Variants in CEP68 observed in about 807,000 individuals in gnomAD.
CEP68 encodes centrosomal protein of 68 kDa.
A neutral mutation model predicts 55.3 loss-of-function variants in CEP68; 26 were observed. The observed-to-expected ratio is 0.47, with a 90% confidence interval of 0.34 to 0.65. The LOEUF is 0.65. Among genes scored for constraint, CEP68 ranks in the 30% least tolerant of loss-of-function variants. CEP68 has a pLI of 0.01. For synonymous variants in CEP68, 402 were observed against 383.2 expected (o/e 1.05, Z -0.57); for missense variants, 957 against 946.7 (o/e 1.01, Z -0.14).
intron 6 of CEP68, 42 bp downstream of exon 6, chr2:65,082,751 T>G: frequency 6.8e-7 from 1 of 1,479,404 alleles, no homozygotes. Context: ...CCACCAACCC[T>G]GCTGTAACAG....
chr2:65,061,794 C>T (rs576039709), intron 1 of CEP68, among the ~76,000 whole-genome samples: 1 of 152,334 alleles, frequency 6.6e-6, no homozygotes, highest in East Asian at 1.9e-4. Flanking sequence ...TGTGACTGGC[C>T]CCTTTGTTGG....
chr2:65,071,036 C>T (rs1267311123), intron 2 of CEP68: 1 of 186,800 alleles, frequency 5.4e-6, no homozygotes, highest in South Asian at 1.2e-4. Context: ...GGCGTGTGAA[C>T]TGAGCAGGAT....
intron 5 of CEP68, 56 bp from the exon 6 acceptor site, chr2:65,082,480 G>A (rs904362807): frequency 1.4e-6 from 2 of 1,443,554 alleles, no homozygotes; most frequent in Non-Finnish European, 1.8e-6. Flanking sequence ...ATGCTTACTG[G>A]ACAACACTTG....
Position 65,071,725 on chromosome 2 carries a change from A to G in CEP68, c.629A>G (p.His210Arg). The G allele has an allele frequency of 6.2e-7, 1 of 1,614,038 alleles. No homozygotes were observed. The highest frequency in any genetic ancestry group is 8.5e-7 in the Non-Finnish European group (1 of 1,180,024). Residue 210 changes from histidine (H) to arginine (R), a missense_variant, in exon 3 of 7, where the codon CAC becomes CGC. By Grantham distance (29) the His-to-Arg change is conservative. Coordinates refer to ENST00000377990, the MANE Select transcript of CEP68 (RefSeq NM_015147.3). ...TCCACAGGCAGCAGTCTCCAGGGTCACCAGGAGAGGGCGGAGCCTCGTGGT... is the reference window on the plus strand; with the variant it reads ...TCCACAGGCAGCAGTCTCCAGGGTCGCCAGGAGAGGGCGGAGCCTCGTGGT... Reference protein sequence around the residue: ...ASSTGSSLQGHQERAEPRGGS... With the variant: ...ASSTGSSLQGRQERAEPRGGS...
In CEP68 at chr2:65,072,304, C is replaced by A. The variant is rs1486458024; in HGVS notation, c.1208C>A (p.Ala403Asp). The A allele has an allele frequency of 6.2e-7, 1 of 1,614,046 alleles. No homozygotes were observed. Among genetic ancestry groups the A allele is most frequent in the Non-Finnish European group, 8.5e-7 (1 of 1,180,020 alleles). ...SWSQLASTPR[A>D]PGSRDARWER... ...AGCCAACTTGCATCTACCCCCAGAGCCCCAGGCAGTAGGGATGCTCGTTGG... is the reference window on the plus strand; with the variant it reads ...AGCCAACTTGCATCTACCCCCAGAGACCCAGGCAGTAGGGATGCTCGTTGG... Residue 403 changes from alanine to aspartate, a missense_variant, in exon 3 of 7, where the codon GCC (alanine) becomes GAC (aspartate). Transcript: ENST00000377990.
Position 65,072,533 on chromosome 2 carries a change from T to C in CEP68, c.1437T>C (p.Asp479=). The change falls in exon 3 of 7, where the codon GAT becomes GAC. Residue 479 remains aspartate (D), a synonymous_variant. Coordinates refer to ENST00000377990, the MANE Select transcript of CEP68 (RefSeq NM_015147.3). The stretch of plus-strand genomic sequence containing the variant: ...AATCAGAAGAGGAAGTGGAAAGTGA[T>C]GACGAGTATCTTGCCCTCCCCGCTC... ...RWKSEEEVES[D]DEYLALPARL... is the part of the protein sequence containing the mutation. 6.2e-7 allele frequency: 1 copy of C among 1,613,884 alleles called. No homozygotes were observed. The highest frequency in any genetic ancestry group is 8.5e-7 in the Non-Finnish European group (1 of 1,179,986).
intron 2 of CEP68, 87 bp downstream of exon 2, chr2:65,069,888 C>T: frequency 8.5e-7 from 1 of 1,181,422 alleles, no homozygotes; most frequent in Non-Finnish European, 1.2e-6. Flanking sequence ...GCATCCTTTC[C>T]TTGCTACTGT....
intron 5 of CEP68, among the ~76,000 whole-genome samples, chr2:65,079,520 C>T (rs1676912010): frequency 6.6e-6 from 1 of 152,220 alleles, no homozygotes; most frequent in Non-Finnish European, 1.5e-5. Context: ...TCTTTGCAAT[C>T]CCCTGCCCTT....
In CEP68 at chr2:65,078,261, T is replaced by G. The variant is rs189888470; in HGVS notation, c.2104+297T>G. Among the ~76,000 whole-genome samples, 190 of 152,350 alleles carry G rather than the reference T, an allele frequency of 1.2e-3. 1 individual carries two copies. The highest frequency in any genetic ancestry group is 4.2e-3 in the African/African-American group (173 of 41,582). ...CTTTTGTATTTTTCTGGTGGTAGTCTGGGTAGGAATCCTAGTATTAATCCA... is the reference window on the plus strand; with the variant it reads ...CTTTTGTATTTTTCTGGTGGTAGTCGGGGTAGGAATCCTAGTATTAATCCA... On this transcript the variant is annotated intron_variant, in intron 5 of 6. Transcript: ENST00000377990.
chr2:65,082,846 A>G lies in CEP68; in HGVS notation c.*4+137A>G. ...GGAAGAAGACAGCCAATGGTACTAA[A>G]AAAGGAGTTGCTGGTCTTCCTATGA... is the stretch of plus-strand genomic sequence containing the variant. On this transcript the variant is annotated intron_variant, in intron 6 of 6. Transcript: ENST00000377990. The G allele has an allele frequency of 7.1e-6, 5 of 702,000 alleles. No individual in the cohort carries two copies. In the South Asian group the frequency reaches 1.2e-4, roughly 17 times the overall value. The allele number at this position is 702,000 out of a possible 1,614,324, so 43.5% of individuals were successfully genotyped here.
intron 1 of CEP68, among the ~76,000 whole-genome samples, chr2:65,059,412 T>C (rs368187820): frequency 5.4e-4 from 83 of 152,322 alleles, no homozygotes; most frequent in East Asian, 5.2e-3. Context: ...TCCTCACTTG[T>C]AACTGGCACA....
chr2:65,072,942 G>A lies in CEP68; in HGVS notation c.1846G>A (p.Gly616Arg), dbSNP rs779577434. 1 of 1,614,190 alleles carries A rather than the reference G, an allele frequency of 6.2e-7. No homozygotes were observed. Among genetic ancestry groups the A allele is most frequent in the Non-Finnish European group, 8.5e-7 (1 of 1,180,036 alleles). The change falls in exon 3 of 7, where the codon GGA (glycine) becomes AGA (arginine). Residue 616 changes from glycine to arginine, a missense_variant. By Grantham distance (125) the Gly-to-Arg change is moderately radical (BLOSUM62 -2). Coordinates refer to ENST00000377990, the MANE Select transcript of CEP68 (RefSeq NM_015147.3). ...TGAAGGGCAGCTTCCCAGGAAAGGA[G>A]GAGAACAGGGAAAAGAATCACTGGT... is the stretch of plus-strand genomic sequence containing the variant. ...DVEGQLPRKG[G>R]EQGKESLVQC... is the part of the protein sequence containing the mutation.
rs1380305896 is a variant in CEP68, at chr2:65,083,782, C to T, written c.*148C>T. On this transcript the variant is annotated 3_prime_UTR_variant, in exon 7 of 7. Transcript: ENST00000377990. ...ATACTAGCTTTAAAATGCCTTTCTC[C>T]TCCCTGAATGGAGGGCTGAGTTACT... 4 of 152,224 alleles carry T rather than the reference C, an allele frequency of 2.6e-5. No individual in the cohort carries two copies. The highest frequency in any genetic ancestry group is 9.6e-5 in the African/African-American group (4 of 41,452). The allele number at this position is 152,224 out of a possible 1,614,324, so 9.4% of individuals were successfully genotyped here. A position where few individuals can be genotyped will look rare whatever the true frequency, so the allele number is the denominator to read the frequency against.
At chr2:65,079,921 A>G (rs1391474877) in intron 5 of CEP68, among the ~76,000 whole-genome samples, 32 of 152,014 alleles carry the variant, frequency 2.1e-4, no homozygotes, top group African/African-American at 7.7e-4. Context: ...ATCACCTGAG[A>G]TCGGGAGTTT....
At chr2:65,061,163 C>G (rs1675893198) in intron 1 of CEP68, among the ~76,000 whole-genome samples, 3 of 151,938 alleles carry the variant, frequency 2.0e-5, no homozygotes, top group African/African-American at 7.3e-5. Flanking sequence ...CACAGCAAGA[C>G]TCCATCTCAA....
rs768721275 is a variant in CEP68, at chr2:65,069,661, G to C, written c.217G>C (p.Gly73Arg). Reference protein sequence around the residue: ...APTCWIGTDPGGPSRAHQPQA... With the variant: ...APTCWIGTDPRGPSRAHQPQA... ...TACTTGCTGGATTGGGACTGACCCTGGCGGCCCCTCTAGAGCCCACCAGCC... is the reference window on the plus strand; with the variant it reads ...TACTTGCTGGATTGGGACTGACCCTCGCGGCCCCTCTAGAGCCCACCAGCC... Residue 73 changes from glycine to arginine, a missense_variant, in exon 2 of 7, where the codon GGC (glycine) becomes CGC (arginine). Gly to Arg is a moderately radical substitution (Grantham distance 125, BLOSUM62 -2). Coordinates refer to ENST00000377990, the MANE Select transcript of CEP68 (RefSeq NM_015147.3). The C allele has an allele frequency of 1.1e-5, 18 of 1,613,928 alleles. No homozygotes were observed. Among genetic ancestry groups the C allele is most frequent in the Non-Finnish European group, 1.5e-5 (18 of 1,180,036 alleles).
At chr2:65,074,574 A>G in intron 4 of CEP68, 170 bp downstream of exon 4, 1 of 930,680 alleles carries the variant, frequency 1.1e-6, no homozygotes, top group Non-Finnish European at 1.7e-6. Flanking sequence ...CGCTTTGTAA[A>G]ATGCATGAAT....
In CEP68 at chr2:65,056,480, G is replaced by C. The variant is rs1341146152; in HGVS notation, c.-95G>C. The C allele has an allele frequency of 6.6e-6, 1 of 152,398 alleles. No individual in the cohort carries two copies. The highest frequency in any genetic ancestry group is 1.5e-5 in the Non-Finnish European group (1 of 68,200). The allele number at this position is 152,398 out of a possible 1,614,324, so 9.4% of individuals were successfully genotyped here. A position where few individuals can be genotyped will look rare whatever the true frequency, so the allele number is the denominator to read the frequency against. ...GTCCGCCAGCTCGGGGCCAGCGCAT[G>C]GGGCTGCTGAGACCGCTCCGGACGT... On this transcript the variant is annotated 5_prime_UTR_variant, in exon 1 of 7. It removes an upstream start codon present in the reference 5' UTR. Coordinates refer to ENST00000377990, the MANE Select transcript of CEP68 (RefSeq NM_015147.3).
At position 65,069,603 on chromosome 2, in the gene CEP68, C is replaced by T; in HGVS notation, c.159C>T (p.Ser53=). The change falls in exon 2 of 7, where the codon TCC becomes TCT. Residue 53 remains serine (S), a synonymous_variant. Coordinates refer to ENST00000377990, the MANE Select transcript of CEP68 (RefSeq NM_015147.3). ...PRLEAEGGLI[S]PVWGAEGIPA... Reference sequence around the variant, plus strand: ...TGGAAGCTGAGGGAGGGCTCATCTCCCCTGTATGGGGGGCAGAAGGGATAC... The same window carrying T: ...TGGAAGCTGAGGGAGGGCTCATCTCTCCTGTATGGGGGGCAGAAGGGATAC... 1 of 1,614,074 alleles carries T rather than the reference C, an allele frequency of 6.2e-7. No homozygotes were observed. The highest frequency in any genetic ancestry group is 8.5e-7 in the Non-Finnish European group (1 of 1,180,006).
Sources: allele counts gnomAD v4.1 joint callset (sites outside exome capture counted in the v4.1 genomes callset), GRCh38; gene constraint gnomAD v4.1.1; transcripts MANE v1.5; gene names NCBI Gene and HGNC (gene_info 2026-07-23, HGNC 2026-07-21).